GSG1L: variants seen among roughly 807,000 people sequenced by gnomAD.
GSG1L encodes the protein GSG1 like.
A neutral mutation model predicts 42.1 loss-of-function variants in GSG1L; 24 were observed. The ratio of observed to expected loss-of-function variants is 0.57; its 90% confidence interval spans 0.41 to 0.80. The LOEUF is 0.80. Ranked by LOEUF, GSG1L falls within the 30% of genes least tolerant of loss-of-function variation. The pLI is 0.00. For synonymous variants in GSG1L, 215 were observed against 203.5 expected (o/e 1.06, Z -0.48); for missense variants, 445 against 472.2 (o/e 0.94, Z 0.53).
intron 3 of GSG1L, chr16:27,850,550 C>G (rs1341842888): frequency 4.4e-6 from 2 of 455,756 alleles, no homozygotes; most frequent in South Asian, 3.1e-5. Context: ...TTAAGCAGAG[C>G]AGGAGGGACC....
chr16:27,874,803 T>G (rs990592183), intron 3 of GSG1L, among the ~76,000 whole-genome samples: 1 of 152,254 alleles, frequency 6.6e-6, no homozygotes, highest in Admixed American at 6.5e-5. Context: ...GAGTGACTTC[T>G]GAATTCCGTG....
At chr16:27,881,005 T>C (rs552918717) in intron 3 of GSG1L, among the ~76,000 whole-genome samples, 1 of 152,030 alleles carries the variant, frequency 6.6e-6, no homozygotes, top group African/African-American at 2.4e-5. Flanking sequence ...GCTCACCCTA[T>C]TCCAAGCCAA....
At chr16:27,977,133 A>C (rs2085259880) in intron 1 of GSG1L, among the ~76,000 whole-genome samples, 1 of 152,168 alleles carries the variant, frequency 6.6e-6, no homozygotes, top group Non-Finnish European at 1.5e-5. Context: ...GTCTGAATCC[A>C]TTCCCATTTT....
At chr16:27,986,749 T>G (rs2085389012) in intron 1 of GSG1L, among the ~76,000 whole-genome samples, 2 of 152,220 alleles carry the variant, frequency 1.3e-5, no homozygotes, top group African/African-American at 4.8e-5. Flanking sequence ...GGACCTTGAT[T>G]TGGGGAGACC....
At chr16:27,940,451 C>T (rs995796601) in intron 2 of GSG1L, among the ~76,000 whole-genome samples, 1 of 145,408 alleles carries the variant, frequency 6.9e-6, no homozygotes, top group African/African-American at 2.6e-5. Flanking sequence ...TTGGAACCAA[C>T]TCAAATGTCC....
chr16:27,939,023 G>A (rs71389824), intron 2 of GSG1L, among the ~76,000 whole-genome samples: 16,679 of 152,150 alleles, frequency 0.11, 1,302 homozygotes, highest in East Asian at 0.36. Flanking sequence ...GGGAACTAAC[G>A]GGGAACCCAG....
intron 2 of GSG1L, among the ~76,000 whole-genome samples, chr16:27,916,947 G>A (rs1192118624): frequency 6.6e-6 from 1 of 152,148 alleles, no homozygotes; most frequent in African/African-American, 2.4e-5. Context: ...TGTCTATGAG[G>A]AGGTGACATT....
chr16:27,852,864 G>A (rs1169563932), intron 3 of GSG1L, among the ~76,000 whole-genome samples: 1 of 152,092 alleles, frequency 6.6e-6, no homozygotes. Flanking sequence ...CCGCAGGTGA[G>A]GATGAGGATG....
At chr16:27,899,126 C>A (rs1226076153) in intron 2 of GSG1L, among the ~76,000 whole-genome samples, 2 of 152,202 alleles carry the variant, frequency 1.3e-5, no homozygotes, top group South Asian at 2.1e-4. Context: ...ATGGGAAGCG[C>A]CCCCAGACAT....
At chr16:28,032,898 A>G (rs1029335730) in intron 1 of GSG1L, among the ~76,000 whole-genome samples, 16 of 152,054 alleles carry the variant, frequency 1.1e-4, no homozygotes, top group Admixed American at 1.3e-4. Flanking sequence ...TAACCCTTCA[A>G]TATCTGCCTG....
intron 2 of GSG1L, among the ~76,000 whole-genome samples, chr16:27,894,373 C>A (rs2084165347): frequency 6.6e-6 from 1 of 152,200 alleles, no homozygotes; most frequent in Non-Finnish European, 1.5e-5. Context: ...GCATTATCAG[C>A]CACTGGACAA....
At chr16:28,020,252 C>T (rs955323609) in intron 1 of GSG1L, among the ~76,000 whole-genome samples, 3 of 152,072 alleles carry the variant, frequency 2.0e-5, no homozygotes, top group East Asian at 3.9e-4. Flanking sequence ...CGTCTTTGTG[C>T]GGTGGCTCAA....
intron 2 of GSG1L, among the ~76,000 whole-genome samples, chr16:27,922,996 C>T (rs913945716): frequency 1.1e-4 from 16 of 152,280 alleles, no homozygotes; most frequent in African/African-American, 3.9e-4. Context: ...CTATATTGCC[C>T]AGGCTGGTCT....
Position 28,000,504 on chromosome 16 carries a change from C to T in GSG1L, c.350-37301G>A, listed in dbSNP as rs184095792. On this transcript the variant is annotated intron_variant, in intron 1 of 6. Transcript: ENST00000447459. ...GCATTTTACTATCTATTTGCTTAGT[C>T]CTGCCAGAATCCATTTATTTATAAG... Among the ~76,000 whole-genome samples, 142 of 152,216 alleles carry T rather than the reference C, an allele frequency of 9.3e-4. 2 individuals carry two copies. Among genetic ancestry groups the T allele is most frequent in the African/African-American group, 3.3e-3 (138 of 41,538 alleles).
chr16:27,979,661 A>AAGAG lies in GSG1L; in HGVS notation c.350-16462_350-16459dup, dbSNP rs1555512078. Among the ~76,000 whole-genome samples the AAGAG allele has an allele frequency of 4.7e-4, 32 of 67,718 alleles. 2 individuals carry two copies. Among genetic ancestry groups the AAGAG allele is most frequent in the South Asian group, 2.9e-3 (3 of 1,048 alleles). The allele number at this position is 67,718 out of a possible 152,430, so 44.4% of individuals were successfully genotyped here. ...GGGAGGGGAAAGAAAGAAAGAAAGA[A>AAGAG]AGAGAGAGAGAGAGAGAGAAAGAAA... On this transcript the variant is annotated intron_variant, in intron 1 of 6. Coordinates refer to ENST00000447459, the MANE Select transcript of GSG1L (RefSeq NM_001109763.2).
rs147556368 is a variant in GSG1L at position 27,864,020 on chromosome 16, T to G, written c.551-18959A>C. On this transcript the variant is annotated intron_variant, in intron 3 of 6. Transcript: ENST00000447459. ...ATGAGGTCAGGAATCTGTCTCTTCC[T>G]CTCTCAAGCACTGCTATTGGCCTCA... Among the ~76,000 whole-genome samples, 1,454 of 152,338 alleles carry G rather than the reference T, an allele frequency of 9.5e-3. 12 individuals are homozygous for G. The highest frequency in any genetic ancestry group is 0.016 in the Non-Finnish European group (1,081 of 68,030).
chr16:27,887,726 C>T (rs1219776342), intron 2 of GSG1L, among the ~76,000 whole-genome samples: 4 of 152,250 alleles, frequency 2.6e-5, no homozygotes, highest in African/African-American at 9.6e-5. Context: ...CACCCACTAT[C>T]ATTCCTAGCG....
chr16:27,948,608 T>TC (rs1491558899), intron 2 of GSG1L, among the ~76,000 whole-genome samples: 2 of 127,680 alleles, frequency 1.6e-5, no homozygotes, highest in African/African-American at 2.7e-5. Context: ...TTCTTCTTCT[T>TC]CTTTTTTTTT....
intron 1 of GSG1L, among the ~76,000 whole-genome samples, chr16:27,980,260 G>A (rs1036420795): frequency 3.9e-5 from 6 of 152,200 alleles, no homozygotes; most frequent in Admixed American, 1.3e-4. Flanking sequence ...TGTGGGCAAC[G>A]AGACAGGGGG....
Sources: allele counts gnomAD v4.1 joint callset (sites outside exome capture counted in the v4.1 genomes callset), GRCh38; gene constraint gnomAD v4.1.1; transcripts MANE v1.5; gene names NCBI Gene and HGNC (gene_info 2026-07-23, HGNC 2026-07-21).